HPCAL4: variants seen among roughly 807,000 people sequenced by gnomAD.
HPCAL4 encodes the protein hippocalcin like 4, also known as hippocalcin-like protein 4.
A neutral mutation model predicts 18.2 loss-of-function variants in HPCAL4; 16 were observed. The observed-to-expected ratio is 0.88, with a 90% CI of 0.59 to 1.33. The LOEUF (loss-of-function observed/expected upper bound fraction) is 1.33, where lower values mean the gene tolerates loss of function less well. Among genes scored for constraint, HPCAL4 ranks in the 40% most tolerant of loss-of-function variants. The pLI is 0.00. For synonymous variants in HPCAL4, 80 were observed against 97.5 expected (o/e 0.82, Z 1.06); for missense variants, 214 against 256.6 (o/e 0.83, Z 1.14).
In HPCAL4 at chr1:39,684,205, C is replaced by T. The variant is rs1273976837; in HGVS notation, c.163-53G>A. ...CAGCGACAGCCCCGCCCACCCCGCC[C>T]CCATCTCAGGGAACCTCCCCTGCAC... On this transcript the variant is annotated intron_variant, in intron 2 of 3. Transcript: ENST00000372844. 7.6e-6 allele frequency: 10 copies of T among 1,317,684 alleles called. No individual in the cohort carries two copies. The Admixed American group carries it at 1.4e-4, about 19-fold the overall frequency. 81.6% of individuals were successfully genotyped at this position (1,317,684 alleles called of 1,614,324 possible).
intron 1 of HPCAL4, among the ~76,000 whole-genome samples, chr1:39,686,112 C>T (rs574246502): frequency 1.4e-5 from 2 of 146,684 alleles, no homozygotes; most frequent in African/African-American, 2.5e-5. Context: ...ACCCCAGAGG[C>T]GGAGCTTGCG....
intron 1 of HPCAL4, among the ~76,000 whole-genome samples, chr1:39,686,981 C>A (rs1364255146): frequency 6.6e-6 from 1 of 152,202 alleles, no homozygotes; most frequent in Admixed American, 6.5e-5. Flanking sequence ...GCTTCTAATT[C>A]TTACAACTGG....
chr1:39,685,400 T>G (rs1646664556), intron 1 of HPCAL4, among the ~76,000 whole-genome samples: 1 of 152,172 alleles, frequency 6.6e-6, no homozygotes, highest in Non-Finnish European at 1.5e-5. Flanking sequence ...TACCCAGTCT[T>G]GAACGAGTCA....
chr1:39,690,330 A>G (rs1173795506), intron 1 of HPCAL4, among the ~76,000 whole-genome samples: 2 of 152,200 alleles, frequency 1.3e-5, no homozygotes, highest in Admixed American at 1.3e-4. Context: ...GCCAAAGTCA[A>G]ACTTTGGCTG....
chr1:39,679,514 G>A lies in HPCAL4; in HGVS notation c.*3022C>T, dbSNP rs1646606950. The A allele has an allele frequency of 6.6e-6, 1 of 152,226 alleles. No individual in the cohort carries two copies. The highest frequency in any genetic ancestry group is 1.5e-5 in the Non-Finnish European group (1 of 68,038). The allele number at this position is 152,226 out of a possible 1,614,324, so 9.4% of individuals were successfully genotyped here. On this transcript the variant is annotated 3_prime_UTR_variant, in exon 4 of 4. Coordinates refer to ENST00000372844, the MANE Select transcript of HPCAL4 (RefSeq NM_016257.4). ...GGACCTTGCAATTCACAGAGTTGTT[G>A]CAATAAGATTGGAATTTAAAGGAGA...
chr1:39,683,363 C>A (rs906272269), intron 3 of HPCAL4, among the ~76,000 whole-genome samples: 9 of 152,208 alleles, frequency 5.9e-5, no homozygotes, highest in African/African-American at 2.2e-4. Context: ...TTGAACTCTG[C>A]AGAGAAAGGC....
rs763998227 is a variant in HPCAL4, at chr1:39,684,168, T to C, written c.163-16A>G. 1.9e-6 allele frequency: 3 copies of C among 1,584,268 alleles called. No individual in the cohort carries two copies. Among genetic ancestry groups the C allele is most frequent in the Non-Finnish European group, 2.6e-6 (3 of 1,157,786 alleles). On this transcript the variant is annotated splice_polypyrimidine_tract_variant and intron_variant, in intron 2 of 3. Coordinates refer to ENST00000372844, the MANE Select transcript of HPCAL4 (RefSeq NM_016257.4). ...AGGGGAAGAACTGAGGGGGGTGCGG[T>C]GGGTTGGGGCGCAGCGACAGCCCCG...
chr1:39,689,331 A>G (rs1646700941), intron 1 of HPCAL4, among the ~76,000 whole-genome samples: 1 of 151,758 alleles, frequency 6.6e-6, no homozygotes, highest in South Asian at 2.1e-4. Flanking sequence ...CGCAGTGGCA[A>G]TGCCTAGGAC....
chr1:39,688,936 C>G (rs774773003), intron 1 of HPCAL4, among the ~76,000 whole-genome samples: 1 of 152,162 alleles, frequency 6.6e-6, no homozygotes. Flanking sequence ...GTCAGTCCCC[C>G]ACAGGCGTGT....
chr1:39,682,407 G>A lies in HPCAL4; in HGVS notation c.*129C>T. ...CTTGATGGAGGGGAGGAAGGGCTTG[G>A]GCAGAGGACTGGGTGGGCCAGAGAG... On this transcript the variant is annotated 3_prime_UTR_variant, in exon 4 of 4. Coordinates refer to ENST00000372844, the MANE Select transcript of HPCAL4 (RefSeq NM_016257.4). 1.3e-6 allele frequency: 1 copy of A among 771,774 alleles called. No homozygotes were observed. Among genetic ancestry groups the A allele is most frequent in the Non-Finnish European group, 2.1e-6 (1 of 466,964 alleles). 47.8% of individuals were successfully genotyped at this position (771,774 alleles called of 1,614,324 possible). A position where few individuals can be genotyped will look rare whatever the true frequency, so the allele number is the denominator to read the frequency against.
Position 39,684,155 on chromosome 1 carries a change from G to C in HPCAL4, c.163-3C>G. The C allele has an allele frequency of 6.2e-7, 1 of 1,611,366 alleles. No individual in the cohort carries two copies. On this transcript the variant is annotated splice_region_variant and splice_polypyrimidine_tract_variant and intron_variant, in intron 2 of 3. Coordinates refer to ENST00000372844, the MANE Select transcript of HPCAL4 (RefSeq NM_016257.4). ...GAGGCGTCGCCGTAGGGGAAGAACT[G>C]AGGGGGGTGCGGTGGGTTGGGGCGC...
chr1:39,690,622 A>G (rs1415714883), intron 1 of HPCAL4, among the ~76,000 whole-genome samples: 3 of 151,998 alleles, frequency 2.0e-5, no homozygotes, highest in African/African-American at 4.8e-5. Flanking sequence ...TCTTTGGTTC[A>G]TCCTCCCGCC....
In HPCAL4 at chr1:39,687,402, C is replaced by T. The variant is rs570988139; in HGVS notation, c.-8-2791G>A. 5.3e-5 allele frequency among the ~76,000 whole-genome samples: 8 copies of T among 152,336 alleles called. No homozygotes were observed. In the South Asian group the frequency reaches 1.7e-3, roughly 32 times the overall value. The stretch of plus-strand genomic sequence containing the variant: ...TGTCTGATGGGGGGAGGCACAGCCT[C>T]TCCAGCTGTCTTCCGTAGGATGTGC... On this transcript the variant is annotated intron_variant, in intron 1 of 3. Coordinates refer to ENST00000372844, the MANE Select transcript of HPCAL4 (RefSeq NM_016257.4).
At chr1:39,685,262 A>G (rs904731534) in intron 1 of HPCAL4, among the ~76,000 whole-genome samples, 1 of 152,364 alleles carries the variant, frequency 6.6e-6, no homozygotes, top group East Asian at 1.9e-4. Flanking sequence ...AAAGAGGCAG[A>G]TGGTTGGTTA....
At chr1:39,690,406 A>G (rs1646709031) in intron 1 of HPCAL4, among the ~76,000 whole-genome samples, 1 of 152,230 alleles carries the variant, frequency 6.6e-6, no homozygotes. Context: ...AGAGCAATAC[A>G]GCCCACATGG....
rs1384745879 is a variant in HPCAL4, at chr1:39,684,508, C to G, written c.96G>C (p.Lys32Asn). The G allele has an allele frequency of 3.7e-6, 6 of 1,613,716 alleles. No individual in the cohort carries two copies. Among genetic ancestry groups the G allele is most frequent in the Non-Finnish European group, 5.1e-6 (6 of 1,179,794 alleles). Reference sequence around the variant, plus strand: ...CGCTGGGGCAGTCCTTCAGGAAGCCCTTGTACCACTGCTTCAGCTCCTGCT... The same window carrying G: ...CGCTGGGGCAGTCCTTCAGGAAGCCGTTGTACCACTGCTTCAGCTCCTGCT... ...FSEQELKQWY[K>N]GFLKDCPSGI... The change falls in exon 2 of 4, where the codon AAG becomes AAC. Residue 32 changes from lysine to asparagine, a missense_variant. Lys to Asn is a moderately conservative substitution (Grantham distance 94). Transcript: ENST00000372844.
intron 1 of HPCAL4, among the ~76,000 whole-genome samples, chr1:39,689,435 A>G (rs1011560155): frequency 6.6e-6 from 1 of 152,118 alleles, no homozygotes; most frequent in African/African-American, 2.4e-5. Flanking sequence ...TGTTTTGTTT[A>G]TCTGTGTTCT....
At chr1:39,689,103 C>T (rs1276882490) in intron 1 of HPCAL4, among the ~76,000 whole-genome samples, 1 of 152,184 alleles carries the variant, frequency 6.6e-6, no homozygotes, top group Admixed American at 6.5e-5. Flanking sequence ...CTCCAATATG[C>T]CCCAGTCCAC....
At chr1:39,690,588 A>C (rs1399179550) in intron 1 of HPCAL4, among the ~76,000 whole-genome samples, 1 of 152,030 alleles carries the variant, frequency 6.6e-6, no homozygotes, top group East Asian at 1.9e-4. Flanking sequence ...GACTGACGGT[A>C]TGGGTGGTCT....
Sources: gnomAD v4.1 joint callset for allele counts (sites outside exome capture counted in the v4.1 genomes callset) on GRCh38, gnomAD v4.1.1 for gene constraint, MANE v1.5 for transcripts, NCBI Gene and HGNC (gene_info 2026-07-23, HGNC 2026-07-21) for gene names.